Variants in STOX2 observed in about 807,000 individuals in gnomAD.
The protein encoded by STOX2 is storkhead box 2.
STOX2 carries 28 observed loss-of-function variants against 60.9 expected under a neutral mutation model. The ratio of observed to expected loss-of-function variants is 0.46; its 90% CI spans 0.34 to 0.63. The LOEUF is 0.63. STOX2 is among the 30% of genes least tolerant of loss of function. The pLI is 0.01. For missense variants in STOX2, 1,024 were observed against 1,187.7 expected (o/e 0.86, Z 2.03); for synonymous variants, 472 against 463.9 (o/e 1.02, Z -0.22).
intron 1 of STOX2, among the ~76,000 whole-genome samples, chr4:183,897,756 C>T (rs897601979): frequency 2.6e-5 from 4 of 152,134 alleles, no homozygotes; most frequent in African/African-American, 4.8e-5. Context: ...TCAAGTAATA[C>T]GGTTTATTGA....
chr4:183,992,840 G>C (rs763400247), intron 1 of STOX2, among the ~76,000 whole-genome samples: 1 of 152,222 alleles, frequency 6.6e-6, no homozygotes, highest in African/African-American at 2.4e-5. Context: ...TTGAGGACCT[G>C]CCGTGTGAAA....
At chr4:184,006,419 T>C (rs1733828875) in intron 2 of STOX2, among the ~76,000 whole-genome samples, 1 of 152,074 alleles carries the variant, frequency 6.6e-6, no homozygotes. Flanking sequence ...TCAGAAGGTA[T>C]ATTCCGTGTC....
chr4:183,858,927 C>T (rs904121748), intron 1 of STOX2, among the ~76,000 whole-genome samples: 1 of 152,054 alleles, frequency 6.6e-6, no homozygotes, highest in African/African-American at 2.4e-5. Context: ...CTGTACACAC[C>T]GCCCCTAAGT....
chr4:183,870,349 A>G (rs1740661038), intron 1 of STOX2, among the ~76,000 whole-genome samples: 1 of 152,232 alleles, frequency 6.6e-6, no homozygotes, highest in South Asian at 2.1e-4. Flanking sequence ...GTTCAACCCT[A>G]AAACCATTTC....
chr4:183,993,652 T>C (rs1560927127), intron 1 of STOX2, among the ~76,000 whole-genome samples: 1 of 152,266 alleles, frequency 6.6e-6, no homozygotes, highest in Non-Finnish European at 1.5e-5. Flanking sequence ...AAATTCCTTT[T>C]TTATGCTGTT....
rs753218501 is a variant in STOX2 at position 184,011,354 on chromosome 4, C to G, written c.2516C>G (p.Thr839Ser). 1 of 1,613,982 alleles carries G rather than the reference C, an allele frequency of 6.2e-7. No individual in the cohort carries two copies. Among genetic ancestry groups the G allele is most frequent in the Non-Finnish European group, 8.5e-7 (1 of 1,179,892 alleles). ...ETDSSSNQRA[T>S]HSARLDSMDS... Reference sequence around the variant, plus strand: ...GACAGCAGCAGCAACCAGAGAGCCACCCATTCAGCCCGGCTCGACAGCATG... The same window carrying G: ...GACAGCAGCAGCAACCAGAGAGCCAGCCATTCAGCCCGGCTCGACAGCATG... Residue 839 changes from threonine to serine, a missense_variant, in exon 3 of 4, where the codon ACC becomes AGC. Coordinates refer to ENST00000308497, the MANE Select transcript of STOX2 (RefSeq NM_020225.3). The surrounding 1 kb of genome is among the most constrained non-coding windows in gnomAD (Gnocchi z 4.4).
intron 1 of STOX2, among the ~76,000 whole-genome samples, chr4:183,824,949 A>G (rs58462477): frequency 0.064 from 9,743 of 152,278 alleles, 999 homozygotes; most frequent in African/African-American, 0.22. Flanking sequence ...GCCCTGGACT[A>G]CTAAGTGTGC....
intron 1 of STOX2, among the ~76,000 whole-genome samples, chr4:183,852,070 A>G (rs1740157185): frequency 8.2e-6 from 1 of 121,246 alleles, no homozygotes; most frequent in African/African-American, 3.5e-5. Context: ...AGGATGAGAG[A>G]AAGGATGAGG....
rs573923975 is a variant in STOX2 at position 184,023,420 on chromosome 4, G to A, written c.*6136G>A. ...GATTTTTGTAAGTCTATATTTGAAA[G>A]TCCCTCCCTATGGTGATACTGTGTT... On this transcript the variant is annotated 3_prime_UTR_variant, in exon 4 of 4. Transcript: ENST00000308497. 3.9e-5 allele frequency: 6 copies of A among 152,264 alleles called. No individual in the cohort carries two copies. The highest frequency in any genetic ancestry group is 5.9e-5 in the Non-Finnish European group (4 of 68,000). The allele number at this position is 152,264 out of a possible 1,614,324, so 9.4% of individuals were successfully genotyped here.
intron 1 of STOX2, among the ~76,000 whole-genome samples, chr4:183,940,107 T>C (rs913924375): frequency 3.9e-5 from 6 of 152,222 alleles, no homozygotes; most frequent in Non-Finnish European, 8.8e-5. Context: ...TTCGCCATGC[T>C]GGACAGGCCG....
rs956457215 is a variant in STOX2 at position 183,856,322 on chromosome 4, T to C, written c.364+58267T>C. ...CATTAATTAAAGAAATGGCATGGGCTACACTAACAGAAGAGCACCCTTCAG... is the reference window on the plus strand; with the variant it reads ...CATTAATTAAAGAAATGGCATGGGCCACACTAACAGAAGAGCACCCTTCAG... On this transcript the variant is annotated intron_variant, in intron 1 of 2. Coordinates refer to the STOX2 transcript ENST00000513034. The surrounding 1 kb of genome is among the most constrained non-coding windows in gnomAD (Gnocchi z 4.0). Among the ~76,000 whole-genome samples the C allele has an allele frequency of 6.6e-6, 1 of 152,172 alleles. No homozygotes were observed. The highest frequency in any genetic ancestry group is 1.5e-5 in the Non-Finnish European group (1 of 68,032).
intron 1 of STOX2, among the ~76,000 whole-genome samples, chr4:183,914,586 C>T (rs1157451652): frequency 6.6e-6 from 1 of 152,194 alleles, no homozygotes; most frequent in East Asian, 1.9e-4. Context: ...CTACAGAGGG[C>T]TTTCAGGTGA....
At chr4:183,920,771 G>C (rs1441434020) in intron 1 of STOX2, among the ~76,000 whole-genome samples, 1 of 152,082 alleles carries the variant, frequency 6.6e-6, no homozygotes, top group Admixed American at 6.5e-5. Flanking sequence ...TAATGCCGTT[G>C]TGAGCTCCTT....
At chr4:183,843,113 A>T (rs1359626414) in intron 1 of STOX2, among the ~76,000 whole-genome samples, 1 of 147,584 alleles carries the variant, frequency 6.8e-6, no homozygotes, top group Non-Finnish European at 1.5e-5. Context: ...GCGCCACCGT[A>T]CTCCACCCTG....
intron 1 of STOX2, among the ~76,000 whole-genome samples, chr4:183,886,711 C>T (rs1741092659): frequency 6.6e-6 from 1 of 152,126 alleles, no homozygotes; most frequent in Admixed American, 6.5e-5. Flanking sequence ...TTCTTCTAAG[C>T]ATCTTTCTCT....
At chr4:183,943,842 C>A (rs1247677342) in intron 1 of STOX2, among the ~76,000 whole-genome samples, 1 of 152,076 alleles carries the variant, frequency 6.6e-6, no homozygotes. Flanking sequence ...GTGCCACTGC[C>A]CTCCAGCCTG....
At chr4:183,988,128 C>T (rs1412103963) in intron 1 of STOX2, 3 of 152,200 alleles carry the variant, frequency 2.0e-5, no homozygotes, top group Admixed American at 6.5e-5. Context: ...CCTCGCGTCT[C>T]CGCACTGCAC....
rs1734645437 is a variant in STOX2, at chr4:184,022,914, G to GGTCCT, written c.*5630_*5631insGTCCT. ...CTGCCCTAGGGTCACCTTCATGCAA[G>GGTCCT]TATTGACAGCTACAAATTAAAGTCC... On this transcript the variant is annotated 3_prime_UTR_variant, in exon 4 of 4. Coordinates refer to ENST00000308497, the MANE Select transcript of STOX2 (RefSeq NM_020225.3). 1.3e-5 allele frequency: 2 copies of GGTCCT among 152,174 alleles called. No individual in the cohort carries two copies. Among genetic ancestry groups the GGTCCT allele is most frequent in the African/African-American group, 4.8e-5 (2 of 41,440 alleles). The allele number at this position is 152,174 out of a possible 1,614,324, so 9.4% of individuals were successfully genotyped here.
intron 1 of STOX2, among the ~76,000 whole-genome samples, chr4:183,995,258 T>A (rs1285367806): frequency 6.9e-6 from 1 of 144,536 alleles, no homozygotes; most frequent in Non-Finnish European, 1.5e-5. Context: ...AAAGTGAAAA[T>A]GCCACTTATA....
Sources: gnomAD v4.1 joint callset for allele counts (sites outside exome capture counted in the v4.1 genomes callset) on GRCh38, gnomAD v4.1.1 for gene constraint, Gnocchi (gnomAD v3.1) non-coding constraint, MANE v1.5 for transcripts, NCBI Gene and HGNC (gene_info 2026-07-23, HGNC 2026-07-21) for gene names.